Variants in TMPRSS2 observed in about 807,000 individuals in gnomAD.
TMPRSS2 encodes transmembrane protease serine 2.
In TMPRSS2, 59 loss-of-function variants were observed where a neutral mutation model predicts 67.4. The ratio of observed to expected loss-of-function variants is 0.88; its 90% confidence interval spans 0.71 to 1.09. The LOEUF (loss-of-function observed/expected upper bound fraction) is 1.09, where lower values mean the gene tolerates loss of function less well. Among genes scored for constraint, TMPRSS2 ranks in the 50% least tolerant of loss-of-function variants. The pLI is 0.00. For synonymous variants in TMPRSS2, 257 were observed against 257.0 expected (o/e 1.00, Z 0.00); for missense variants, 668 against 642.7 (o/e 1.04, Z -0.43).
chr21:41,468,024 C>T (rs904155535), intron 12 of TMPRSS2, 138 bp from the exon 13 acceptor site: 4 of 861,418 alleles, frequency 4.6e-6, no homozygotes, highest in East Asian at 5.1e-5. Context: ...GAATCTCCAC[C>T]ATCAAGGGGT....
At position 41,508,107 on chromosome 21, in the gene TMPRSS2, G is replaced by T; in HGVS notation, c.-83C>A. On this transcript the variant is annotated 5_prime_UTR_variant, in exon 1 of 14. Transcript: ENST00000332149. The stretch of plus-strand genomic sequence containing the variant: ...TGCCGCGCTCCAGGCGGCGCTCCCC[G>T]CCCCTCGCCCTCCGCCTCCGCCTCC... 8.7e-7 allele frequency: 1 copy of T among 1,150,918 alleles called. No individual in the cohort carries two copies. The highest frequency in any genetic ancestry group is 1.1e-6 in the Non-Finnish European group (1 of 892,616). The allele number at this position is 1,150,918 out of a possible 1,614,324, so 71.3% of individuals were successfully genotyped here.
At chr21:41,494,210 T>C (rs1205449806) in intron 3 of TMPRSS2, 146 bp downstream of exon 3, 10 of 883,740 alleles carry the variant, frequency 1.1e-5, no homozygotes, top group Non-Finnish European at 1.6e-5. Context: ...TGGAAAGGCA[T>C]GAAGACAGGC....
In TMPRSS2 at chr21:41,473,332, C is replaced by T. The variant is rs747772174; in HGVS notation, c.892G>A (p.Val298Met). The change falls in exon 9 of 14, where the codon GTG becomes ATG. Residue 298 changes from valine (V) to methionine (M), a missense_variant. By Grantham distance (21) the Val-to-Met change is conservative. Transcript: ENST00000332149. ...PEWIVTAAHC[V>M]EKPLNNPWHW... ...GCGCCGCCCCTGGCATACTTTTCCACGCAGTGGGCGGCTGTCACGATCCAC... is the reference window on the plus strand; with the variant it reads ...GCGCCGCCCCTGGCATACTTTTCCATGCAGTGGGCGGCTGTCACGATCCAC... 106 of 1,597,566 alleles carry T rather than the reference C, an allele frequency of 6.6e-5. No individual in the cohort carries two copies. Among genetic ancestry groups the T allele is most frequent in the Non-Finnish European group, 7.9e-5 (92 of 1,171,972 alleles).
chr21:41,467,367 C>T (rs544764385), intron 13 of TMPRSS2, among the ~76,000 whole-genome samples: 87 of 145,790 alleles, frequency 6.0e-4, no homozygotes, highest in African/African-American at 1.8e-3. Context: ...CCAGCCTGGG[C>T]GACACAGTGA....
At chr21:41,467,711 C>A in intron 13 of TMPRSS2, 23 bp downstream of exon 13, 1 of 1,612,264 alleles carries the variant, frequency 6.2e-7, no homozygotes, top group East Asian at 2.2e-5. Context: ...AGAACACAGT[C>A]AGAAGGAGGA....
chr21:41,473,496 G>C lies in TMPRSS2; in HGVS notation c.728C>G (p.Ala243Gly). The part of the protein sequence containing the change: ...SKAVVSLRCI[A>G]CGVNLNSSRQ... The stretch of plus-strand genomic sequence containing the variant: ...GCTTGAGTTCAAGTTGACCCCGCAG[G>C]CTGAGGATGACAAACAGGAGGCCAG... Residue 243 changes from alanine (A) to glycine (G), a missense_variant and splice_region_variant, in exon 9 of 14, where the codon GCC becomes GGC. Ala to Gly is a moderately conservative substitution (Grantham distance 60, BLOSUM62 0). Coordinates refer to ENST00000332149, the MANE Select transcript of TMPRSS2 (RefSeq NM_005656.4). 1 of 1,605,390 alleles carries C rather than the reference G, an allele frequency of 6.2e-7. No homozygotes were observed. Among genetic ancestry groups the C allele is most frequent in the South Asian group, 1.1e-5 (1 of 90,158 alleles).
chr21:41,473,499 G>A lies in TMPRSS2; in HGVS notation c.728-3C>T, dbSNP rs1162585156. On this transcript the variant is annotated splice_polypyrimidine_tract_variant and splice_region_variant and intron_variant, in intron 8 of 13. Coordinates refer to ENST00000332149, the MANE Select transcript of TMPRSS2 (RefSeq NM_005656.4). ...TGAGTTCAAGTTGACCCCGCAGGCT[G>A]AGGATGACAAACAGGAGGCCAGTGG... The A allele has an allele frequency of 6.2e-7, 1 of 1,604,442 alleles. No homozygotes were observed. Among genetic ancestry groups the A allele is most frequent in the Non-Finnish European group, 8.5e-7 (1 of 1,175,328 alleles).
chr21:41,477,761 T>C (rs1353965149), intron 7 of TMPRSS2, among the ~76,000 whole-genome samples: 1 of 152,046 alleles, frequency 6.6e-6, no homozygotes, highest in Non-Finnish European at 1.5e-5. Context: ...GGGATAGCCC[T>C]GTGTGGTCAC....
intron 5 of TMPRSS2, chr21:41,486,384 C>A (rs974589837): frequency 2.0e-5 from 3 of 152,260 alleles, no homozygotes; most frequent in South Asian, 2.1e-4. Context: ...ACTGCAACCC[C>A]CTCCTCCCAG....
chr21:41,468,586 C>T (rs755498487), intron 11 of TMPRSS2, 48 bp from the exon 12 acceptor site: 23 of 1,605,598 alleles, frequency 1.4e-5, no homozygotes, highest in East Asian at 2.2e-5. Flanking sequence ...CTGCAGCTCT[C>T]GCAGGGAGAG....
At chr21:41,482,952 G>T (rs892451770) in intron 5 of TMPRSS2, among the ~76,000 whole-genome samples, 10 of 152,234 alleles carry the variant, frequency 6.6e-5, no homozygotes, top group Admixed American at 2.0e-4. Context: ...GGTGAGTGGG[G>T]AGAGAGAAAC....
At chr21:41,470,784 C>CT in intron 10 of TMPRSS2, 41 bp from the exon 11 acceptor site, 4 of 345,644 alleles carry the variant, frequency 1.2e-5, no homozygotes, top group Non-Finnish European at 2.1e-5. Context: ...AGGCGGGTAT[C>CT]ACCTATGTCT....
chr21:41,471,448 T>G (rs1264275504), intron 10 of TMPRSS2, among the ~76,000 whole-genome samples: 1 of 152,168 alleles, frequency 6.6e-6, no homozygotes, highest in African/African-American at 2.4e-5. Flanking sequence ...TGGCCTCCAG[T>G]GGGTAGAGGC....
chr21:41,475,452 AGGGGTGAGTGAGGGGG>A (rs2091198224), intron 8 of TMPRSS2, among the ~76,000 whole-genome samples: 1 of 15,310 alleles, frequency 6.5e-5, no homozygotes, highest in Non-Finnish European at 1.1e-4. Context: ...GAGGGGGTGC[AGGGGTGAGTGAGGGGG>A]TGAGGGGTGA....
In TMPRSS2 at chr21:41,478,026, G is replaced by T. The variant is rs1420689569; in HGVS notation, c.683+1146C>A. On this transcript the variant is annotated intron_variant, in intron 7 of 13. Coordinates refer to ENST00000332149, the MANE Select transcript of TMPRSS2 (RefSeq NM_005656.4). The surrounding 1 kb of genome is among the most constrained non-coding windows in gnomAD (Gnocchi z 4.0). ...CCTCCCCTCCCCCCGTCCCTGCCCGGCTGGACTTGGCTCCCTGATTCCGTG... is the reference window on the plus strand; with the variant it reads ...CCTCCCCTCCCCCCGTCCCTGCCCGTCTGGACTTGGCTCCCTGATTCCGTG... Among the ~76,000 whole-genome samples, 3 of 152,160 alleles carry T rather than the reference G, an allele frequency of 2.0e-5. No individual in the cohort carries two copies. The highest frequency in any genetic ancestry group is 2.9e-5 in the Non-Finnish European group (2 of 68,028).
At chr21:41,470,461 AG>A (rs1360258912) in intron 11 of TMPRSS2, among the ~76,000 whole-genome samples, 186 bp downstream of exon 11, 1 of 152,234 alleles carries the variant, frequency 6.6e-6, no homozygotes, top group Non-Finnish European at 1.5e-5. Flanking sequence ...ACAGTGTATT[AG>A]GTAGGCTGGG....
At chr21:41,468,669 G>A (rs1487919817) in intron 11 of TMPRSS2, 131 bp from the exon 12 acceptor site, 25 of 1,012,480 alleles carry the variant, frequency 2.5e-5, no homozygotes, top group Non-Finnish European at 3.1e-5. Context: ...CCCTGCCCCG[G>A]TCAGCTCATC....
chr21:41,470,643 C>T lies in TMPRSS2; in HGVS notation c.1171+5G>A. ...GCAGTCCTGTGTGCCCAGGAGCAGC[C>T]TCACCTTTCTCCTCGGTGGCCCCCC... is the stretch of plus-strand genomic sequence containing the variant. On this transcript the variant is annotated splice_donor_5th_base_variant and intron_variant, in intron 11 of 13. Transcript: ENST00000332149. The T allele has an allele frequency of 1.2e-6, 2 of 1,612,976 alleles. No individual in the cohort carries two copies. The highest frequency in any genetic ancestry group is 8.5e-7 in the Non-Finnish European group (1 of 1,179,704).
chr21:41,471,742 C>T, intron 10 of TMPRSS2, 64 bp downstream of exon 10: 1 of 1,508,716 alleles, frequency 6.6e-7, no homozygotes, highest in Non-Finnish European at 8.9e-7. Context: ...GCACAAGTGT[C>T]ATTTCCAATC....
Sources: allele counts gnomAD v4.1 joint callset (sites outside exome capture counted in the v4.1 genomes callset), GRCh38; gene constraint gnomAD v4.1.1; non-coding constraint Gnocchi (gnomAD v3.1); transcripts MANE v1.5; gene names NCBI Gene and HGNC (gene_info 2026-07-23, HGNC 2026-07-21).